Variants in GREB1L observed in about 807,000 individuals in gnomAD.
GREB1L encodes the protein GREB1 like retinoic acid receptor coactivator.
GREB1L carries 17 observed loss-of-function variants against 200.8 expected under a neutral mutation model. The ratio of observed to expected loss-of-function variants is 0.08; its 90% CI spans 0.06 to 0.13. The LOEUF is 0.13. GREB1L is among the 10% of genes least tolerant of loss of function. GREB1L has a pLI of 1.00. For missense variants in GREB1L, 1,657 were observed against 2,367.7 expected, an observed-to-expected ratio of 0.70 and a Z score of 6.23; for synonymous variants, 789 against 893.0, an observed-to-expected ratio of 0.88 and a Z score of 2.08.
intron 1 of GREB1L, among the ~76,000 whole-genome samples, chr18:21,257,906 CATT>C (rs1193771661): frequency 1.3e-5 from 2 of 152,188 alleles, no homozygotes; most frequent in African/African-American, 4.8e-5. Context: ...AAGTAGGCAT[CATT>C]ATTCTCACCT....
In GREB1L at chr18:21,325,554, T is replaced by C. The variant is rs115587386; in HGVS notation, c.-119-40473T>C. Among the ~76,000 whole-genome samples the C allele has an allele frequency of 4.3e-3, 651 of 152,072 alleles. 2 individuals carry two copies. The highest frequency in any genetic ancestry group is 0.014 in the African/African-American group (600 of 41,506). On this transcript the variant is annotated intron_variant, in intron 1 of 32. Transcript: ENST00000424526. ...CTAGGGCCTGTTGCGGTAGCTCACATACGTAATCCCAGCGCTGTGGGAGGC... is the reference window on the plus strand; with the variant it reads ...CTAGGGCCTGTTGCGGTAGCTCACACACGTAATCCCAGCGCTGTGGGAGGC...
intron 1 of GREB1L, among the ~76,000 whole-genome samples, chr18:21,271,549 G>A (rs1486246254): frequency 1.3e-5 from 2 of 151,570 alleles, no homozygotes; most frequent in Non-Finnish European, 2.9e-5. Context: ...GTACTTGGGA[G>A]GCTGAGGTGG....
At position 21,449,598 on chromosome 18, in the gene GREB1L, G is replaced by A; in HGVS notation, c.1482G>A (p.Gln494=). The change falls in exon 12 of 33, where the codon CAG becomes CAA. Residue 494 remains glutamine, a synonymous_variant. Transcript: ENST00000424526. ...QEFTLRERAL[Q]IGAQCVPVSP... Reference sequence around the variant, plus strand: ...TTACTCTGAGAGAAAGAGCCCTGCAGATAGGTGCTCAGTGTGTCCCTGTGT... The same window carrying A: ...TTACTCTGAGAGAAAGAGCCCTGCAAATAGGTGCTCAGTGTGTCCCTGTGT... 5 of 1,551,434 alleles carry A rather than the reference G, an allele frequency of 3.2e-6. No individual in the cohort carries two copies. The highest frequency in any genetic ancestry group is 1.7e-4 in the Middle Eastern group (1 of 5,990).
At chr18:21,502,021 G>T (rs1791951003) in intron 23 of GREB1L, among the ~76,000 whole-genome samples, 2 of 152,214 alleles carry the variant, frequency 1.3e-5, no homozygotes, top group Admixed American at 6.5e-5. Context: ...AGCACTTTGG[G>T]AGGCCAAGGC....
intron 25 of GREB1L, 89 bp downstream of exon 25, chr18:21,506,038 C>T (rs763391464): frequency 1.2e-5 from 16 of 1,328,584 alleles, no homozygotes; most frequent in Non-Finnish European, 1.6e-5. Flanking sequence ...AAATAAGGCC[C>T]CTAGTTTCAG....
rs1679474694 is a variant in GREB1L at position 21,515,562 on chromosome 18, G to A, written c.5047G>A (p.Ala1683Thr). The change falls in exon 29 of 33, where the codon GCC (alanine) becomes ACC (threonine). Residue 1683 changes from alanine (A) to threonine (T), a missense_variant. This residue lies in a region of GREB1L where 151 missense variants were observed against 309.6 expected (regional missense o/e 0.49). Coordinates refer to ENST00000424526, the MANE Select transcript of GREB1L (RefSeq NM_001142966.3). Reference protein sequence around the residue: ...SSKLTSQSLKAPFSRCHVHDF... With the variant: ...SSKLTSQSLKTPFSRCHVHDF... Reference sequence around the variant, plus strand: ...CAAGCTGACTTCTCAGAGCCTAAAGGCCCCATTCTCTAGGTGTCACGTGCA... The same window carrying A: ...CAAGCTGACTTCTCAGAGCCTAAAGACCCCATTCTCTAGGTGTCACGTGCA... The A allele has an allele frequency of 6.4e-7, 1 of 1,551,628 alleles. No homozygotes were observed. Among genetic ancestry groups the A allele is most frequent in the South Asian group, 1.2e-5 (1 of 84,054 alleles).
At chr18:21,443,245 C>T (rs1285384773) in intron 10 of GREB1L, among the ~76,000 whole-genome samples, 1 of 151,836 alleles carries the variant, frequency 6.6e-6, no homozygotes, top group African/African-American at 2.4e-5. Flanking sequence ...CTCTGTGGCT[C>T]AGGCGGGAGT....
intron 1 of GREB1L, among the ~76,000 whole-genome samples, chr18:21,319,874 A>G (rs1330750880): frequency 6.6e-6 from 1 of 152,232 alleles, no homozygotes; most frequent in Non-Finnish European, 1.5e-5. Flanking sequence ...GAGCTTCCCC[A>G]GAGCTGGTTT....
intron 16 of GREB1L, among the ~76,000 whole-genome samples, chr18:21,475,721 C>G (rs949100711): frequency 1.3e-5 from 2 of 151,850 alleles, no homozygotes; most frequent in Admixed American, 6.6e-5. Flanking sequence ...AATCCCAGCA[C>G]TTTGAGAAGC....
chr18:21,437,316 T>C (rs1464344051), intron 7 of GREB1L, among the ~76,000 whole-genome samples: 3 of 152,192 alleles, frequency 2.0e-5, no homozygotes, highest in Non-Finnish European at 1.5e-5. Context: ...TTGCAGGATC[T>C]ATCTTCTGGT....
Position 21,500,655 on chromosome 18 carries a change from C to T in GREB1L, c.4072+13C>T. The T allele has an allele frequency of 6.6e-7, 1 of 1,506,520 alleles. No individual in the cohort carries two copies. Among genetic ancestry groups the T allele is most frequent in the Non-Finnish European group, 8.9e-7 (1 of 1,121,024 alleles). The allele number at this position is 1,506,520 out of a possible 1,614,324, so 93.3% of individuals were successfully genotyped here. A position where few individuals can be genotyped will look rare whatever the true frequency, so the allele number is the denominator to read the frequency against. On this transcript the variant is annotated intron_variant, in intron 23 of 32. Transcript: ENST00000424526. Reference sequence around the variant, plus strand: ...GAGATCAACACCGGTGAGTGCTGAGCCCAGGGAGTGGGCAGAGGGGCAAGA... The same window carrying T: ...GAGATCAACACCGGTGAGTGCTGAGTCCAGGGAGTGGGCAGAGGGGCAAGA...
chr18:21,246,852 A>G (rs1386346959), intron 1 of GREB1L, among the ~76,000 whole-genome samples: 3 of 152,206 alleles, frequency 2.0e-5, no homozygotes, highest in South Asian at 2.1e-4. Context: ...CTGGAATTTT[A>G]CTAGGAATGC....
At chr18:21,430,529 G>A (rs2033054219) in intron 7 of GREB1L, among the ~76,000 whole-genome samples, 1 of 118,518 alleles carries the variant, frequency 8.4e-6, no homozygotes, top group African/African-American at 3.0e-5. Flanking sequence ...ACTTTTTCTA[G>A]TTTCTTAAGG....
intron 20 of GREB1L, among the ~76,000 whole-genome samples, chr18:21,496,076 A>G (rs1442972209): frequency 4.6e-5 from 7 of 152,134 alleles, no homozygotes; most frequent in African/African-American, 1.7e-4. Flanking sequence ...GTCTTTGTTA[A>G]TCTGCTATTC....
At chr18:21,367,207 A>G (rs1427576910) in intron 2 of GREB1L, among the ~76,000 whole-genome samples, 1 of 152,154 alleles carries the variant, frequency 6.6e-6, no homozygotes, top group Non-Finnish European at 1.5e-5. Context: ...TGTGTTGTGA[A>G]AAGGTTTTAT....
intron 1 of GREB1L, among the ~76,000 whole-genome samples, chr18:21,311,271 T>C (rs938697173): frequency 1.3e-5 from 2 of 152,178 alleles, no homozygotes; most frequent in Admixed American, 1.3e-4. Flanking sequence ...GACAGTGGGG[T>C]GATAAATGCC....
rs751754876 is a variant in GREB1L at position 21,500,268 on chromosome 18, T to C, written c.3931T>C (p.Phe1311Leu). Residue 1311 changes from phenylalanine to leucine, a missense_variant, in exon 22 of 33, where the codon TTC (phenylalanine) becomes CTC (leucine). Phe to Leu is a conservative substitution (Grantham distance 22). Around this residue, in one of 9 missense-constraint regions of GREB1L, gnomAD observed 512 missense variants for 668.3 expected, o/e 0.77. Transcript: ENST00000424526. ...QLDPASGTRN[F>L]HPRRLLLTGP... ...GGACCCGGCCTCTGGCACCCGAAAC[T>C]TCCACCCCCGACGGCTCCTGCTGAC... 5.2e-5 allele frequency: 76 copies of C among 1,447,968 alleles called. No homozygotes were observed. Among genetic ancestry groups the C allele is most frequent in the Non-Finnish European group, 6.8e-5 (72 of 1,064,676 alleles). The allele number at this position is 1,447,968 out of a possible 1,614,324, so 89.7% of individuals were successfully genotyped here.
At chr18:21,256,634 T>C (rs1385160382) in intron 1 of GREB1L, among the ~76,000 whole-genome samples, 1 of 152,180 alleles carries the variant, frequency 6.6e-6, no homozygotes, top group African/African-American at 2.4e-5. Context: ...TGATATTTTT[T>C]ACTCTGAGAC....
intron 17 of GREB1L, 85 bp downstream of exon 17, chr18:21,477,441 T>C (rs2035746014): frequency 2.7e-5 from 28 of 1,025,080 alleles, no homozygotes; most frequent in Non-Finnish European, 3.8e-5. Context: ...GTGTCATGGC[T>C]TAAGACCATA....
Sources: gnomAD v4.1 joint callset for allele counts (sites outside exome capture counted in the v4.1 genomes callset) on GRCh38, gnomAD v4.1.1 for gene constraint, gnomAD v4.1.1 regional missense constraint, MANE v1.5 for transcripts, NCBI Gene and HGNC (gene_info 2026-07-23, HGNC 2026-07-21) for gene names.